PAM: variants seen among roughly 807,000 people sequenced by gnomAD.
The protein encoded by PAM is peptidylglycine alpha-amidating monooxygenase.
A neutral mutation model predicts 122.1 loss-of-function variants in PAM; 72 were observed. That is an observed-to-expected ratio of 0.59 (90% CI 0.49 to 0.72). The LOEUF (loss-of-function observed/expected upper bound fraction) is 0.72. PAM is among the 30% of genes least tolerant of loss of function. The pLI is 0.00. For missense variants in PAM, 1,106 were observed against 1,183.7 expected (o/e 0.93, Z 0.96); for synonymous variants, 389 against 404.4 (o/e 0.96, Z 0.46).
chr5:102,964,555 G>A (rs1177601253), intron 14 of PAM, among the ~76,000 whole-genome samples: 2 of 151,628 alleles, frequency 1.3e-5, no homozygotes, highest in African/African-American at 2.4e-5. Context: ...TGAGTCTGTA[G>A]GGATTTCTTT....
chr5:102,804,736 G>T (rs1464642728), intron 1 of PAM, among the ~76,000 whole-genome samples: 2 of 152,156 alleles, frequency 1.3e-5, no homozygotes, highest in Non-Finnish European at 2.9e-5. Context: ...TCAGGATTAG[G>T]GGTGTTTTGC....
chr5:103,013,117 A>G (rs1280078776), intron 21 of PAM, among the ~76,000 whole-genome samples: 1 of 151,996 alleles, frequency 6.6e-6, no homozygotes, highest in Admixed American at 6.6e-5. Context: ...GAATATTGAT[A>G]TTTGGATAGT....
chr5:102,762,176 A>C (rs2149680241), intron 1 of PAM, among the ~76,000 whole-genome samples: 1 of 152,304 alleles, frequency 6.6e-6, no homozygotes, highest in African/African-American at 2.4e-5. Context: ...GAATCTGGTA[A>C]AGTCACTTGT....
intron 1 of PAM, among the ~76,000 whole-genome samples, chr5:102,834,206 T>A (rs2150477375): frequency 6.6e-6 from 1 of 152,306 alleles, no homozygotes; most frequent in East Asian, 1.9e-4. Flanking sequence ...AATTCTACTT[T>A]TGTTCCTCAT....
chr5:102,787,066 C>T (rs1165945246), intron 1 of PAM, among the ~76,000 whole-genome samples: 1 of 152,048 alleles, frequency 6.6e-6, no homozygotes, highest in East Asian at 1.9e-4. Flanking sequence ...TTATAATGAT[C>T]TGAATTTCAC....
chr5:102,805,064 C>CT (rs527963126), intron 1 of PAM, among the ~76,000 whole-genome samples: 2,597 of 103,508 alleles, frequency 0.025, 26 homozygotes, highest in African/African-American at 0.037. Context: ...GGGAATTTTC[C>CT]TTTTTTTTTT....
intron 23 of PAM, 26 bp from the exon 24 acceptor site, chr5:103,025,105 T>C (rs1410991073): frequency 6.5e-7 from 1 of 1,546,230 alleles, no homozygotes; most frequent in African/African-American, 1.4e-5. Flanking sequence ...GTCAGTTGAA[T>C]ATTGTGAACT....
intron 7 of PAM, among the ~76,000 whole-genome samples, chr5:102,927,734 T>C (rs979872007): frequency 6.7e-6 from 1 of 150,024 alleles, no homozygotes; most frequent in Admixed American, 6.7e-5. Flanking sequence ...ATCAAATATA[T>C]TATCAATTAA....
intron 8 of PAM, among the ~76,000 whole-genome samples, chr5:102,947,647 C>A (rs1249753317): frequency 6.6e-6 from 1 of 151,986 alleles, no homozygotes; most frequent in Non-Finnish European, 1.5e-5. Flanking sequence ...TAACCAAATA[C>A]CACCTGTTCC....
chr5:103,014,756 A>G (rs901178924), intron 21 of PAM, among the ~76,000 whole-genome samples: 10 of 152,162 alleles, frequency 6.6e-5, no homozygotes, highest in Non-Finnish European at 1.0e-4. Flanking sequence ...TGTGCAGGGA[A>G]GCTTAGACAG....
At chr5:102,792,074 T>A (rs973001840) in intron 1 of PAM, among the ~76,000 whole-genome samples, 5 of 152,198 alleles carry the variant, frequency 3.3e-5, no homozygotes, top group Non-Finnish European at 7.4e-5. Flanking sequence ...TTTGACAAAC[T>A]CTTTGATCCT....
intron 7 of PAM, among the ~76,000 whole-genome samples, chr5:102,928,932 C>T (rs533993081): frequency 2.0e-5 from 3 of 152,132 alleles, no homozygotes; most frequent in African/African-American, 7.2e-5. Context: ...AAATGGCCCT[C>T]ACTAGGACAT....
chr5:102,898,690 G>A (rs1796851919), intron 3 of PAM, among the ~76,000 whole-genome samples: 1 of 151,346 alleles, frequency 6.6e-6, no homozygotes, highest in Non-Finnish European at 1.5e-5. Flanking sequence ...AAAACTTCCT[G>A]TTAAATTTTA....
chr5:102,961,972 T>C (rs570941926), intron 14 of PAM, among the ~76,000 whole-genome samples: 11 of 152,054 alleles, frequency 7.2e-5, no homozygotes, highest in African/African-American at 2.6e-4. Context: ...TAGTTTCATG[T>C]TAATGCAAAC....
Position 102,866,265 on chromosome 5 carries a change from C to T in PAM, c.70C>T (p.Pro24Ser). Residue 24 changes from proline (P) to serine (S), a missense_variant, in exon 2 of 26, where the codon CCA becomes TCA. Pro to Ser is a moderately conservative substitution (Grantham distance 74, BLOSUM62 -1). Around this residue, in one of 3 missense-constraint regions of PAM, gnomAD observed 670 missense variants for 690.3 expected, o/e 0.97. Transcript: ENST00000438793. ...AAGCAGCTGTTTGGCTTTCCGAAGC[C>T]CACTTTCTGTCTTTAAGAGGTGGGT... ...FPSSCLAFRS[P>S]LSVFKRFKET... The T allele has an allele frequency of 6.2e-7, 1 of 1,611,976 alleles. No homozygotes were observed. Among genetic ancestry groups the T allele is most frequent in the South Asian group, 1.1e-5 (1 of 91,030 alleles).
At chr5:102,831,636 T>A (rs999101174) in intron 1 of PAM, among the ~76,000 whole-genome samples, 1 of 152,186 alleles carries the variant, frequency 6.6e-6, no homozygotes, top group Non-Finnish European at 1.5e-5. Context: ...TATAGCTATA[T>A]TTCATGCAGT....
chr5:102,952,970 AG>A (rs1279932327), intron 12 of PAM, among the ~76,000 whole-genome samples: 1 of 152,204 alleles, frequency 6.6e-6, no homozygotes, highest in African/African-American at 2.4e-5. Flanking sequence ...AACTAAGGAT[AG>A]GCTGGGGCCA....
At chr5:102,759,051 T>G (rs1216792861) in intron 1 of PAM, among the ~76,000 whole-genome samples, 3 of 152,224 alleles carry the variant, frequency 2.0e-5, no homozygotes, top group Non-Finnish European at 4.4e-5. Context: ...TATAGTCACT[T>G]TCTTATGACT....
In PAM at chr5:103,029,143, T is replaced by G; in HGVS notation, c.*78T>G. The G allele has an allele frequency of 8.3e-7, 1 of 1,210,374 alleles. No homozygotes were observed. The highest frequency in any genetic ancestry group is 1.2e-6 in the Non-Finnish European group (1 of 859,224). 75.0% of individuals were successfully genotyped at this position (1,210,374 alleles called of 1,614,324 possible). The stretch of plus-strand genomic sequence containing the variant: ...TTTCCCTTTAGCACGTTTAAAGTTC[T>G]GTGTATTTAATTGTAAACTGTACTA... On this transcript the variant is annotated 3_prime_UTR_variant, in exon 26 of 26. Transcript: ENST00000438793.
Sources: gnomAD v4.1 joint callset for allele counts (sites outside exome capture counted in the v4.1 genomes callset) on GRCh38, gnomAD v4.1.1 for gene constraint, gnomAD v4.1.1 regional missense constraint, MANE v1.5 for transcripts, NCBI Gene and HGNC (gene_info 2026-07-23, HGNC 2026-07-21) for gene names.